The following USP37 variants were observed in gnomAD, a reference collection of about 807,000 sequenced individuals.
The protein encoded by USP37 is ubiquitin specific peptidase 37.
USP37 carries 27 observed loss-of-function variants against 124.0 expected under a neutral mutation model. That is an observed-to-expected ratio of 0.22 (90% CI 0.16 to 0.30). The LOEUF (loss-of-function observed/expected upper bound fraction) is 0.30, where lower values mean the gene tolerates loss of function less well. Ranked by LOEUF, USP37 falls within the 10% of genes least tolerant of loss-of-function variation. The probability of loss-of-function intolerance (pLI) is 1.00; values close to 1 mark genes in which losing one functional copy is unlikely to be tolerated. For synonymous variants in USP37, 365 were observed against 388.0 expected (o/e 0.94, Z 0.70); for missense variants, 889 against 1,140.4 (o/e 0.78, Z 3.17).
At position 218,450,411 on chromosome 2, in the gene USP37, C is replaced by G. The variant is rs1370062198; in HGVS notation, c.*4519G>C. The G allele has an allele frequency of 2.6e-5, 4 of 152,548 alleles. No homozygotes were observed. The highest frequency in any genetic ancestry group is 9.7e-5 in the African/African-American group (4 of 41,434). 9.4% of individuals were successfully genotyped at this position (152,548 alleles called of 1,614,324 possible). On this transcript the variant is annotated 3_prime_UTR_variant, in exon 26 of 26. Transcript: ENST00000258399. ...CATACAAAACATAAAGAATCAGAAT[C>G]AAAAGTCACTCTGAACATAAAGAAA... is the stretch of plus-strand genomic sequence containing the variant.
At chr2:218,544,811 T>G (rs999372112) in intron 8 of USP37, among the ~76,000 whole-genome samples, 3 of 152,214 alleles carry the variant, frequency 2.0e-5, no homozygotes, top group Non-Finnish European at 2.9e-5. Context: ...TTGTCTATTT[T>G]AAACAGAAAT....
At chr2:218,475,623 G>C (rs1430382043) in intron 19 of USP37, among the ~76,000 whole-genome samples, 1 of 152,172 alleles carries the variant, frequency 6.6e-6, no homozygotes, top group South Asian at 2.1e-4. Context: ...TGTAGTCCCA[G>C]CTACTAGGGA....
chr2:218,530,384 TGATCTGC>T (rs1201273397), intron 9 of USP37, among the ~76,000 whole-genome samples: 1 of 152,208 alleles, frequency 6.6e-6, no homozygotes, highest in African/African-American at 2.4e-5. Context: ...TCTATTACAG[TGATCTGC>T]GATCAGTGAT....
intron 18 of USP37, among the ~76,000 whole-genome samples, chr2:218,478,067 C>A (rs1288515671): frequency 1.3e-5 from 2 of 152,046 alleles, no homozygotes; most frequent in Admixed American, 6.6e-5. Flanking sequence ...CTAGAAAATA[C>A]AATTAACCTG....
At chr2:218,492,828 G>A (rs753418999) in intron 14 of USP37, among the ~76,000 whole-genome samples, 1 of 152,108 alleles carries the variant, frequency 6.6e-6, no homozygotes, top group Non-Finnish European at 1.5e-5. Context: ...AACACAGTGA[G>A]AGCCCGTCTC....
intron 10 of USP37, among the ~76,000 whole-genome samples, chr2:218,529,481 A>C (rs1429556696): frequency 1.5e-5 from 2 of 137,708 alleles, no homozygotes; most frequent in Admixed American, 6.9e-5. Flanking sequence ...CTCAAACAAA[A>C]AAAAAAAAAA....
At chr2:218,462,813 G>A (rs1288795535) in intron 22 of USP37, among the ~76,000 whole-genome samples, 2 of 152,030 alleles carry the variant, frequency 1.3e-5, no homozygotes, top group Non-Finnish European at 2.9e-5. Context: ...CCTCTGGGAG[G>A]AAGACAAAAA....
intron 14 of USP37, 125 bp downstream of exon 14, chr2:218,495,633 AGG>A: frequency 9.6e-7 from 1 of 1,040,724 alleles, no homozygotes. Context: ...CCAAGAGCCT[AGG>A]CAACTGTGTG....
chr2:218,530,273 C>G (rs952682378), intron 9 of USP37, among the ~76,000 whole-genome samples: 1 of 152,140 alleles, frequency 6.6e-6, no homozygotes, highest in African/African-American at 2.4e-5. Context: ...CTGCACCAAG[C>G]AAGTCTATCA....
intron 10 of USP37, among the ~76,000 whole-genome samples, chr2:218,525,123 C>T (rs1690883426): frequency 6.6e-6 from 1 of 152,144 alleles, no homozygotes; most frequent in Non-Finnish European, 1.5e-5. Context: ...TTTTTCTTAT[C>T]ACTCCTTCCT....
chr2:218,523,875 A>G (rs1480365277), intron 10 of USP37, among the ~76,000 whole-genome samples: 1 of 152,102 alleles, frequency 6.6e-6, no homozygotes, highest in Non-Finnish European at 1.5e-5. Flanking sequence ...ATTGGCTAAA[A>G]CCTTCAGAAC....
chr2:218,467,359 T>TATCTCTC (rs60648603), intron 20 of USP37, among the ~76,000 whole-genome samples: 1 of 112,792 alleles, frequency 8.9e-6, no homozygotes, highest in African/African-American at 3.1e-5. Flanking sequence ...ATCTATCTAT[T>TATCTCTC]TTTTTTTGAG....
Position 218,496,072 on chromosome 2 carries a change from T to C in USP37, c.1282-122A>G, listed in dbSNP as rs1574883417. 15 of 911,646 alleles carry C rather than the reference T, an allele frequency of 1.6e-5. No individual in the cohort carries two copies. In the South Asian group the frequency reaches 2.1e-4, roughly 13 times the overall value. The allele number at this position is 911,646 out of a possible 1,614,324, so 56.5% of individuals were successfully genotyped here. A position where few individuals can be genotyped will look rare whatever the true frequency, so the allele number is the denominator to read the frequency against. On this transcript the variant is annotated intron_variant, in intron 13 of 25. Coordinates refer to ENST00000258399, the MANE Select transcript of USP37 (RefSeq NM_020935.3). ...ACTCTGGAAGGCTGAGGCAGGCGGATCACTTGAGGTCAGGAGTTCGAGACC... is the reference window on the plus strand; with the variant it reads ...ACTCTGGAAGGCTGAGGCAGGCGGACCACTTGAGGTCAGGAGTTCGAGACC...
intron 24 of USP37, 125 bp from the exon 25 acceptor site, chr2:218,455,843 T>G: frequency 1.0e-6 from 1 of 1,000,206 alleles, no homozygotes. Context: ...GTCAGGAGTT[T>G]GAGACCAGCC....
intron 19 of USP37, among the ~76,000 whole-genome samples, chr2:218,475,272 T>C (rs1690907262): frequency 6.6e-6 from 1 of 152,216 alleles, no homozygotes; most frequent in South Asian, 2.1e-4. Context: ...CCATTATAAA[T>C]GTTAGCTGAT....
chr2:218,526,314 C>A (rs1024899996), intron 10 of USP37, among the ~76,000 whole-genome samples: 3 of 152,104 alleles, frequency 2.0e-5, no homozygotes, highest in African/African-American at 7.2e-5. Flanking sequence ...TCACTGCAAC[C>A]TCTGCCTCCC....
chr2:218,551,800 T>C (rs572588766), intron 5 of USP37, among the ~76,000 whole-genome samples: 1 of 137,336 alleles, frequency 7.3e-6, no homozygotes, highest in East Asian at 2.1e-4. Context: ...TCTTGATTCT[T>C]TTTTTTTTTT....
At chr2:218,552,035 G>A (rs1181958077) in intron 5 of USP37, among the ~76,000 whole-genome samples, 1 of 151,976 alleles carries the variant, frequency 6.6e-6, no homozygotes, top group Non-Finnish European at 1.5e-5. Context: ...CTCGTGATCC[G>A]CCCACCTCGG....
chr2:218,484,890 T>C (rs1691472426), intron 16 of USP37, among the ~76,000 whole-genome samples: 1 of 152,240 alleles, frequency 6.6e-6, no homozygotes, highest in Non-Finnish European at 1.5e-5. Context: ...TGTAACCACA[T>C]AATAATTTTT....
Sources: gnomAD v4.1 joint callset for allele counts (sites outside exome capture counted in the v4.1 genomes callset) on GRCh38, gnomAD v4.1.1 for gene constraint, MANE v1.5 for transcripts, NCBI Gene and HGNC (gene_info 2026-07-23, HGNC 2026-07-21) for gene names.